PTGES: variants seen among roughly 807,000 people sequenced by gnomAD.
PTGES encodes the protein MGST1-like 1.
Under a neutral mutation model 11.8 loss-of-function variants are expected in PTGES, and 3 were observed. The ratio of observed to expected loss-of-function variants is 0.25; its 90% CI spans 0.12 to 0.66. PTGES has a LOEUF of 0.66. Among genes scored for constraint, PTGES ranks in the 30% least tolerant of loss-of-function variants. The pLI, the probability that PTGES is intolerant of heterozygous loss-of-function variation, is 0.82. For synonymous variants in PTGES, 94 were observed against 90.4 expected (o/e 1.04, Z -0.22); for missense variants, 180 against 213.0 (o/e 0.85, Z 0.96).
In PTGES at chr9:129,745,465, C is replaced by G. The variant is rs375320456; in HGVS notation, c.209+3190G>C. Among the ~76,000 whole-genome samples, 11 of 152,298 alleles carry G rather than the reference C, an allele frequency of 7.2e-5. 1 individual carries two copies. The highest frequency in any genetic ancestry group is 1.9e-4 in the East Asian group (1 of 5,188). On this transcript the variant is annotated intron_variant, in intron 2 of 2. Coordinates refer to ENST00000340607, the MANE Select transcript of PTGES (RefSeq NM_004878.5). The surrounding 1 kb of genome is among the most constrained non-coding windows in gnomAD (Gnocchi z 4.2). ...AACTTTTGCTTCCAGGTGGTCTCCC[C>G]CTTCGGGTTCCAGCCAGTTCTCCGG... is the stretch of plus-strand genomic sequence containing the variant.
chr9:129,745,627 C>T lies in PTGES; in HGVS notation c.209+3028G>A, dbSNP rs1833041681. 6.6e-6 allele frequency among the ~76,000 whole-genome samples: 1 copy of T among 152,140 alleles called. No individual in the cohort carries two copies. Among genetic ancestry groups the T allele is most frequent in the South Asian group, 2.1e-4 (1 of 4,830 alleles). ...GTCTGACTTGGGCCCAGTATACAGT[C>T]GGCTTCCAGTAAGTCCTCACCAAAT... On this transcript the variant is annotated intron_variant, in intron 2 of 2. Transcript: ENST00000340607. This position sits in a 1 kb window ranked among gnomAD's most constrained non-coding sequence, Gnocchi z 4.2.
intron 2 of PTGES, among the ~76,000 whole-genome samples, chr9:129,743,207 C>T (rs1833016387): frequency 1.3e-5 from 2 of 152,152 alleles, no homozygotes; most frequent in Admixed American, 6.5e-5. Context: ...CTGGCCCAGC[C>T]CTCCCTCACT....
intron 1 of PTGES, among the ~76,000 whole-genome samples, chr9:129,751,283 A>G (rs932081892): frequency 4.6e-5 from 7 of 151,732 alleles, no homozygotes; most frequent in Non-Finnish European, 1.0e-4. Context: ...TGATCGCACA[A>G]TTGCACTCCA....
intron 2 of PTGES, among the ~76,000 whole-genome samples, 154 bp from the exon 3 acceptor site, chr9:129,740,014 A>G (rs45620435): frequency 0.02 from 3,034 of 151,956 alleles, 108 homozygotes; most frequent in African/African-American, 0.07. Flanking sequence ...GGTCAAGGAG[A>G]TGGATACCCC....
At chr9:129,746,786 G>A (rs868267630) in intron 2 of PTGES, among the ~76,000 whole-genome samples, 2 of 152,108 alleles carry the variant, frequency 1.3e-5, no homozygotes, top group African/African-American at 4.8e-5. Context: ...GAGTGCCATC[G>A]CCTCACTCTC....
chr9:129,752,745 C>G (rs546497556), intron 1 of PTGES, 142 bp downstream of exon 1: 7 of 1,276,432 alleles, frequency 5.5e-6, no homozygotes, highest in Non-Finnish European at 7.8e-6. Flanking sequence ...TGGCAGGAAG[C>G]CCCCCGGCGG....
chr9:129,750,578 G>C (rs781097282), intron 1 of PTGES, among the ~76,000 whole-genome samples: 1 of 152,218 alleles, frequency 6.6e-6, no homozygotes, highest in Admixed American at 6.5e-5. Flanking sequence ...CTGCAGTGCA[G>C]GCCAGGAAGC....
intron 2 of PTGES, among the ~76,000 whole-genome samples, chr9:129,744,309 T>C (rs1265994964): frequency 6.6e-6 from 1 of 152,186 alleles, no homozygotes; most frequent in Non-Finnish European, 1.5e-5. Context: ...GTTATGGGGC[T>C]GGGTGTGGTG....
chr9:129,751,551 T>C (rs1808904), intron 1 of PTGES, among the ~76,000 whole-genome samples: 34,816 of 151,498 alleles, frequency 0.23, 5,863 homozygotes, highest in African/African-American at 0.48. Flanking sequence ...TGGTGGTGTG[T>C]GTCTGTAATG....
Position 129,739,012 on chromosome 9 carries a change from A to C in PTGES, c.*599T>G, listed in dbSNP as rs943781497. Reference sequence around the variant, plus strand: ...GCTGGGTATGGTGATACGCGCCTGTAATCCCAGCTACTCAGGAGGCTGAGG... The same window carrying C: ...GCTGGGTATGGTGATACGCGCCTGTCATCCCAGCTACTCAGGAGGCTGAGG... On this transcript the variant is annotated 3_prime_UTR_variant, in exon 3 of 3. Coordinates refer to ENST00000340607, the MANE Select transcript of PTGES (RefSeq NM_004878.5). The surrounding 1 kb of genome is among the most constrained non-coding windows in gnomAD (Gnocchi z 5.7). The C allele has an allele frequency of 2.0e-5, 3 of 153,164 alleles. No individual in the cohort carries two copies. The highest frequency in any genetic ancestry group is 7.2e-5 in the African/African-American group (3 of 41,432). 9.5% of individuals were successfully genotyped at this position (153,164 alleles called of 1,614,324 possible).
chr9:129,745,031 G>T lies in PTGES; in HGVS notation c.209+3624C>A, dbSNP rs892282882. On this transcript the variant is annotated intron_variant, in intron 2 of 2. Transcript: ENST00000340607. The surrounding 1 kb of genome is among the most constrained non-coding windows in gnomAD (Gnocchi z 4.2). ...GGACTGCGTTCACTATGTACAAAAT[G>T]TACATGCTGGATGACATCTAAGGGA... Among the ~76,000 whole-genome samples, 2 of 152,092 alleles carry T rather than the reference G, an allele frequency of 1.3e-5. No individual in the cohort carries two copies. The highest frequency in any genetic ancestry group is 4.8e-5 in the African/African-American group (2 of 41,408).
intron 2 of PTGES, among the ~76,000 whole-genome samples, chr9:129,741,504 G>A (rs1156863524): frequency 6.6e-6 from 1 of 152,176 alleles, no homozygotes; most frequent in Non-Finnish European, 1.5e-5. Flanking sequence ...CAGACACAAG[G>A]AAAGCAAGTC....
In PTGES at chr9:129,752,970, C is replaced by A; in HGVS notation, c.43G>T (p.Ala15Ser). The stretch of plus-strand genomic sequence containing the variant: ...AGCAGCGTGCTGCAGAGCAGGAAGG[C>A]CGGGAGGGCCGGGCTGCTCATCACC... ...SLVMSSPALP[A>S]FLLCSTLLVI... The change falls in exon 1 of 3, where the codon GCC (alanine) becomes TCC (serine). Residue 15 changes from alanine (A) to serine (S), a missense_variant. By Grantham distance (99) the Ala-to-Ser change is moderately conservative (BLOSUM62 1). Coordinates refer to ENST00000340607, the MANE Select transcript of PTGES (RefSeq NM_004878.5). The A allele has an allele frequency of 6.2e-7, 1 of 1,610,694 alleles. No homozygotes were observed. Among genetic ancestry groups the A allele is most frequent in the Non-Finnish European group, 8.5e-7 (1 of 1,180,012 alleles).
At chr9:129,747,918 G>A (rs189722003) in intron 2 of PTGES, among the ~76,000 whole-genome samples, 7 of 148,760 alleles carry the variant, frequency 4.7e-5, no homozygotes, top group African/African-American at 1.5e-4. Flanking sequence ...GCTGAGGCAG[G>A]AGAATCGCTT....
At chr9:129,752,400 G>A (rs1007096109) in intron 1 of PTGES, among the ~76,000 whole-genome samples, 5 of 152,230 alleles carry the variant, frequency 3.3e-5, no homozygotes, top group Admixed American at 1.3e-4. Flanking sequence ...TGAGCACCCC[G>A]ACGGTGCCCG....
chr9:129,748,215 T>TAAAAAA (rs67000610), intron 2 of PTGES, among the ~76,000 whole-genome samples: 10 of 71,016 alleles, frequency 1.4e-4, no homozygotes, highest in East Asian at 3.8e-4. Context: ...GTTGCCATAT[T>TAAAAAA]AAAAAAAAAA....
At chr9:129,750,056 A>G (rs1037314450) in intron 1 of PTGES, among the ~76,000 whole-genome samples, 1 of 151,926 alleles carries the variant, frequency 6.6e-6, no homozygotes, top group Non-Finnish European at 1.5e-5. Context: ...AGCCGCTAGG[A>G]CAATGCCCAG....
chr9:129,743,800 C>T (rs1833023878), intron 2 of PTGES, among the ~76,000 whole-genome samples: 1 of 152,212 alleles, frequency 6.6e-6, no homozygotes, highest in African/African-American at 2.4e-5. Context: ...CTCAGAGTGC[C>T]AAGTGAGTGA....
chr9:129,748,562 C>G, intron 2 of PTGES, 93 bp downstream of exon 2: 1 of 1,008,022 alleles, frequency 9.9e-7, no homozygotes, highest in South Asian at 1.9e-5. Context: ...ACCTCAGCCC[C>G]TGGGAGTCCT....
Sources: gnomAD v4.1 joint callset for allele counts (sites outside exome capture counted in the v4.1 genomes callset) on GRCh38, gnomAD v4.1.1 for gene constraint, Gnocchi (gnomAD v3.1) non-coding constraint, MANE v1.5 for transcripts, NCBI Gene and HGNC (gene_info 2026-07-23, HGNC 2026-07-21) for gene names.